CIMAP2: variants seen among roughly 807,000 people sequenced by gnomAD.
CIMAP2 encodes the protein ciliary microtubule-associated protein 2.
the CIMAP2 span, among the ~76,000 whole-genome samples, chr1:54,839,778 CA>C: frequency 5.7e-4 from 87 of 152,150 alleles, no homozygotes; most frequent in African/African-American, 2.0e-3. Flanking sequence ...GAGATAGTGT[CA>C]ACACTCTGTC....
At chr1:54,815,141 C>G in the CIMAP2 span, 1 of 1,489,212 alleles carries the variant, frequency 6.7e-7, no homozygotes, top group Non-Finnish European at 9.1e-7. Flanking sequence ...TTGAGTGAGC[C>G]ATATGCCTCC....
the CIMAP2 span, among the ~76,000 whole-genome samples, chr1:54,830,275 T>C: frequency 6.6e-6 from 1 of 152,124 alleles, no homozygotes; most frequent in Non-Finnish European, 1.5e-5. The surrounding 1 kb of genome is among the most constrained non-coding windows in gnomAD (Gnocchi z 4.1). Context: ...CAGGATGGAG[T>C]GCAATGGCGC....
chr1:54,807,575 A>C, the CIMAP2 span: 1 of 1,603,164 alleles, frequency 6.2e-7, no homozygotes, highest in South Asian at 1.1e-5. Context: ...TGCTTCAGCA[A>C]GAAGAAGCTG....
chr1:54,807,816 C>T, the CIMAP2 span: 296 of 1,517,442 alleles, frequency 2.0e-4, no homozygotes, highest in Admixed American at 2.2e-4. Context: ...GGAACACCAT[C>T]GTGCCTTGGG....
chr1:54,807,231 C>T, the CIMAP2 span: 1 of 934,206 alleles, frequency 1.1e-6, no homozygotes, highest in South Asian at 1.4e-5. Context: ...TGGGGGCTTC[C>T]AGTGTGTTTG....
the CIMAP2 span, chr1:54,806,213 A>G: frequency 8.5e-6 from 13 of 1,535,422 alleles, no homozygotes; most frequent in Admixed American, 2.0e-5. Flanking sequence ...CGGGGTGCAG[A>G]GCCACAGGTG....
At chr1:54,827,031 C>T in the CIMAP2 span, among the ~76,000 whole-genome samples, 3 of 152,198 alleles carry the variant, frequency 2.0e-5, no homozygotes, top group Non-Finnish European at 4.4e-5. Flanking sequence ...ATTCATCTGC[C>T]TTGTTGAATG....
chr1:54,820,437 C>G, the CIMAP2 span, among the ~76,000 whole-genome samples: 1 of 152,064 alleles, frequency 6.6e-6, no homozygotes, highest in Non-Finnish European at 1.5e-5. Context: ...CTCGGCCTCC[C>G]AAAGTGCTGG....
At chr1:54,811,765 G>GCCGGGGGGGGGGCC in the CIMAP2 span, 9 of 1,301,316 alleles carry the variant, frequency 6.9e-6, no homozygotes, top group Non-Finnish European at 9.8e-6. Flanking sequence ...GGTTCTGACA[G>GCCGGGGGGGGGGCC]CCTCCATGCC....
chr1:54,810,989 C>A, the CIMAP2 span, among the ~76,000 whole-genome samples: 1 of 152,240 alleles, frequency 6.6e-6, no homozygotes, highest in Non-Finnish European at 1.5e-5. Context: ...CCCTGCATCC[C>A]ACACTCTGAC....
At chr1:54,807,613 A>C in the CIMAP2 span, 1 of 1,610,412 alleles carries the variant, frequency 6.2e-7, no homozygotes. Flanking sequence ...AGGCTGGGCC[A>C]AGGCCCAGGA....
the CIMAP2 span, among the ~76,000 whole-genome samples, chr1:54,820,331 C>G: frequency 6.6e-6 from 1 of 151,698 alleles, no homozygotes; most frequent in Non-Finnish European, 1.5e-5. Flanking sequence ...GCACACCTGG[C>G]TAATTGAAAA....
the CIMAP2 span, among the ~76,000 whole-genome samples, chr1:54,835,436 G>T: frequency 6.6e-6 from 1 of 152,146 alleles, no homozygotes; most frequent in Non-Finnish European, 1.5e-5. Context: ...TGATCTGCCC[G>T]CCTCGGCCTC....
At chr1:54,811,767 C>CGGGGGGGGGGGGGGGGGGGGGG in the CIMAP2 span, 5 of 1,088,166 alleles carry the variant, frequency 4.6e-6, no homozygotes, top group Non-Finnish European at 6.8e-6. Context: ...TTCTGACAGC[C>CGGGGGGGGGGGGGGGGGGGGGG]TCCATGCCCC....
the CIMAP2 span, among the ~76,000 whole-genome samples, chr1:54,836,288 CCTGCCTGCCTGCCTGCCT>C: frequency 8.9e-3 from 1 of 112 alleles, no homozygotes; most frequent in Non-Finnish European, 0.019. Context: ...TGCCCGCCTG[CCTGCCTGCCTGCCTGCCT>C]GCCTGCCTGC....
chr1:54,806,385 G>A, the CIMAP2 span, among the ~76,000 whole-genome samples: 4 of 152,170 alleles, frequency 2.6e-5, no homozygotes, highest in Middle Eastern at 3.2e-3. Flanking sequence ...AGGAGGGGCT[G>A]GGCTTTCTCT....
At chr1:54,815,100 A>G in the CIMAP2 span, 22 of 1,596,350 alleles carry the variant, frequency 1.4e-5, no homozygotes, top group Non-Finnish European at 1.8e-5. Flanking sequence ...AGCCAACACC[A>G]AAGCCTCTTT....
At chr1:54,825,475 G>A in the CIMAP2 span, among the ~76,000 whole-genome samples, 3 of 152,302 alleles carry the variant, frequency 2.0e-5, no homozygotes, top group African/African-American at 7.2e-5. Flanking sequence ...AGCATCAGTG[G>A]TGTCTTTGGG....
the CIMAP2 span, chr1:54,811,778 C>G: frequency 2.4e-4 from 137 of 580,350 alleles, 14 homozygotes; most frequent in Non-Finnish European, 4.0e-4. Context: ...TCCATGCCCC[C>G]ACCCCCGCCC....
Sources: gnomAD v4.1 joint callset for allele counts (sites outside exome capture counted in the v4.1 genomes callset) on GRCh38, gnomAD v4.1.1 for gene constraint, Gnocchi (gnomAD v3.1) non-coding constraint, MANE v1.5 for transcripts, NCBI Gene and HGNC (gene_info 2026-07-23, HGNC 2026-07-21) for gene names.